Variants in PTPRE observed in about 807,000 individuals in gnomAD.
The protein encoded by PTPRE is protein tyrosine phosphatase receptor type E, also known as receptor-type tyrosine-protein phosphatase epsilon.
PTPRE carries 51 observed loss-of-function variants against 102.0 expected under a neutral mutation model. The observed-to-expected ratio is 0.50, with a 90% CI of 0.40 to 0.63. The LOEUF is 0.63. Ranked by LOEUF, PTPRE falls within the 30% of genes least tolerant of loss-of-function variation. The pLI is 0.00. For missense variants in PTPRE, 752 were observed against 915.1 expected, an observed-to-expected ratio of 0.82 and a Z score of 2.30; for synonymous variants, 345 against 348.2, an observed-to-expected ratio of 0.99 and a Z score of 0.10.
rs61734060 is a variant in PTPRE, at chr10:127,983,442, G to A, written c.-8+1146G>A. ...AGCGGTGGGATCAAAGAGAAGGATCGTTACTGGAATCATATTATGGGATGG... is the reference window on the plus strand; with the variant it reads ...AGCGGTGGGATCAAAGAGAAGGATCATTACTGGAATCATATTATGGGATGG... On this transcript the variant is annotated intron_variant, in intron 2 of 20. Coordinates refer to ENST00000254667, the MANE Select transcript of PTPRE (RefSeq NM_006504.6). Among the ~76,000 whole-genome samples, 658 of 152,264 alleles carry A rather than the reference G, an allele frequency of 4.3e-3. 2 individuals carry two copies. Among genetic ancestry groups the A allele is most frequent in the African/African-American group, 0.014 (593 of 41,568 alleles).
At chr10:128,017,697 C>T (rs1230095840) in intron 2 of PTPRE, among the ~76,000 whole-genome samples, 1 of 152,158 alleles carries the variant, frequency 6.6e-6, no homozygotes, top group Admixed American at 6.5e-5. Flanking sequence ...GTGACCAGGA[C>T]CCGCCAATGT....
intron 1 of PTPRE, among the ~76,000 whole-genome samples, chr10:127,972,490 G>A (rs7076228): frequency 0.1 from 15,423 of 152,230 alleles, 1,456 homozygotes; most frequent in African/African-American, 0.24. Flanking sequence ...TTATTAGGTA[G>A]CAAGGCAGTG....
At chr10:127,948,546 T>A (rs1309326371) in intron 1 of PTPRE, among the ~76,000 whole-genome samples, 1 of 146,284 alleles carries the variant, frequency 6.8e-6, no homozygotes, top group Non-Finnish European at 1.5e-5. Context: ...CAACCACTGA[T>A]TTTTTTACTG....
chr10:127,972,934 G>A (rs534393709), intron 1 of PTPRE, among the ~76,000 whole-genome samples: 17 of 152,314 alleles, frequency 1.1e-4, no homozygotes, highest in African/African-American at 3.1e-4. Flanking sequence ...GCAGCGGCTC[G>A]AGCACATACA....
chr10:128,035,263 A>C (rs931724793), intron 2 of PTPRE, among the ~76,000 whole-genome samples: 5 of 146,276 alleles, frequency 3.4e-5, no homozygotes, highest in Admixed American at 7.0e-5. Flanking sequence ...TTTCTTAAAA[A>C]CATATATATG....
intron 1 of PTPRE, among the ~76,000 whole-genome samples, chr10:127,975,000 G>A (rs111855960): frequency 0.011 from 1,610 of 152,272 alleles, 28 homozygotes; most frequent in African/African-American, 0.035. Flanking sequence ...TGGAAGGGGC[G>A]GGCGGGGAAC....
intron 1 of PTPRE, among the ~76,000 whole-genome samples, chr10:127,973,124 G>A (rs146986804): frequency 1.3e-5 from 2 of 152,254 alleles, no homozygotes; most frequent in African/African-American, 4.8e-5. Context: ...GCATATTTTT[G>A]CTATAATGCT....
intron 1 of PTPRE, among the ~76,000 whole-genome samples, chr10:127,949,971 TCA>T (rs1414782396): frequency 1.3e-5 from 2 of 152,090 alleles, no homozygotes; most frequent in African/African-American, 4.8e-5. Flanking sequence ...CTGATGGGAC[TCA>T]CAGCCTCCCC....
At chr10:127,932,214 A>G (rs1224673924) in intron 1 of PTPRE, among the ~76,000 whole-genome samples, 1 of 152,238 alleles carries the variant, frequency 6.6e-6, no homozygotes, top group Non-Finnish European at 1.5e-5. Context: ...GAAAAAGCAA[A>G]TTACACGCAA....
chr10:127,993,180 C>T (rs568566891), intron 2 of PTPRE, among the ~76,000 whole-genome samples: 9 of 152,300 alleles, frequency 5.9e-5, no homozygotes, highest in African/African-American at 1.9e-4. Flanking sequence ...AGGGGCTCCT[C>T]TTCTAAGTTT....
Position 127,907,832 on chromosome 10 carries a change from AGGGAGGCAGGTGGAGC to A in PTPRE, c.-31+528_-31+543del, listed in dbSNP as rs1261866561. ...GCCGGGCGGGCGCCCGCGCCTTCCC[AGGGAGGCAGGTGGAGC>A]GGGATGCAGCAGCCGCCGGGGGTCG... On this transcript the variant is annotated intron_variant, in intron 1 of 20. Coordinates refer to ENST00000254667, the MANE Select transcript of PTPRE (RefSeq NM_006504.6). This position sits in a 1 kb window ranked among gnomAD's most constrained non-coding sequence, Gnocchi z 4.8. Among the ~76,000 whole-genome samples, 26 of 152,182 alleles carry A rather than the reference AGGGAGGCAGGTGGAGC, an allele frequency of 1.7e-4. No homozygotes were observed. Among genetic ancestry groups the A allele is most frequent in the African/African-American group, 5.8e-4 (24 of 41,450 alleles).
intron 1 of PTPRE, among the ~76,000 whole-genome samples, chr10:127,949,741 C>T (rs563394309): frequency 6.6e-6 from 1 of 152,114 alleles, no homozygotes; most frequent in Non-Finnish European, 1.5e-5. Flanking sequence ...AGCCACAGGG[C>T]TGAAATTGCT....
intron 9 of PTPRE, among the ~76,000 whole-genome samples, chr10:128,062,028 G>A (rs1404558743): frequency 6.6e-6 from 1 of 152,194 alleles, no homozygotes; most frequent in East Asian, 1.9e-4. Context: ...CCCAAGTTTG[G>A]GCGAGGGGTT....
At chr10:128,060,773 C>A (rs111759787) in intron 7 of PTPRE, among the ~76,000 whole-genome samples, 166 bp from the exon 8 acceptor site, 1 of 152,162 alleles carries the variant, frequency 6.6e-6, no homozygotes, top group Admixed American at 6.5e-5. Flanking sequence ...TCCATGGGAA[C>A]GCTGAGGAAG....
At chr10:128,047,246 G>C in intron 3 of PTPRE, 144 bp from the exon 4 acceptor site, 5 of 1,220,170 alleles carry the variant, frequency 4.1e-6, no homozygotes, top group Non-Finnish European at 5.5e-6. Flanking sequence ...CTGTTACCTC[G>C]TGGGGCCTTT....
At chr10:128,032,964 T>C (rs1274872739) in intron 2 of PTPRE, among the ~76,000 whole-genome samples, 1 of 151,420 alleles carries the variant, frequency 6.6e-6, no homozygotes, top group Non-Finnish European at 1.5e-5. Context: ...CAAGCACTGA[T>C]TTTTTTCCAG....
At chr10:127,976,902 A>ATT (rs1311359916) in intron 1 of PTPRE, among the ~76,000 whole-genome samples, 1 of 152,216 alleles carries the variant, frequency 6.6e-6, no homozygotes. Context: ...CATCATTTGA[A>ATT]TTACCCACTG....
At chr10:128,010,545 C>CCTTTTCTTTTTT (rs1554919715) in intron 2 of PTPRE, among the ~76,000 whole-genome samples, 60 of 128,328 alleles carry the variant, frequency 4.7e-4, no homozygotes, top group African/African-American at 1.7e-3. Context: ...AAACCCTGTT[C>CCTTTTCTTTTTT]CTTTTCTTTT....
chr10:127,912,566 G>A lies in PTPRE; in HGVS notation c.-31+5257G>A, dbSNP rs143858018. ...CTTAGTTATGTGCTAAAAACCAAAC[G>A]TGTTTTGGGCAGGTGCTTTGATGTT... On this transcript the variant is annotated intron_variant, in intron 1 of 20. Transcript: ENST00000254667. 3.9e-5 allele frequency among the ~76,000 whole-genome samples: 6 copies of A among 152,342 alleles called. No homozygotes were observed. The East Asian group carries it at 7.7e-4, about 20-fold the overall frequency.
Sources: allele counts gnomAD v4.1 joint callset (sites outside exome capture counted in the v4.1 genomes callset), GRCh38; gene constraint gnomAD v4.1.1; non-coding constraint Gnocchi (gnomAD v3.1); transcripts MANE v1.5; gene names NCBI Gene and HGNC (gene_info 2026-07-23, HGNC 2026-07-21).